Variants in ADCYAP1R1 observed in about 807,000 individuals in gnomAD.
The protein encoded by ADCYAP1R1 is pituitary adenylate cyclase-activating polypeptide type I receptor.
Under a neutral mutation model 67.6 loss-of-function variants are expected in ADCYAP1R1, and 44 were observed. The ratio of observed to expected loss-of-function variants is 0.65; its 90% confidence interval spans 0.51 to 0.84. The LOEUF is 0.84. ADCYAP1R1 is among the 40% of genes least tolerant of loss of function. The probability of loss-of-function intolerance (pLI) is 0.00; values close to 1 mark genes in which losing one functional copy is unlikely to be tolerated. For missense variants in ADCYAP1R1, 477 were observed against 587.9 expected (o/e 0.81, Z 1.95); for synonymous variants, 222 against 219.6 (o/e 1.01, Z -0.10).
chr7:31,091,264 A>T (rs1795950206), intron 12 of ADCYAP1R1, among the ~76,000 whole-genome samples: 1 of 152,060 alleles, frequency 6.6e-6, no homozygotes, highest in Non-Finnish European at 1.5e-5. Flanking sequence ...TTTTAATAAG[A>T]TTATTTGTCT....
At chr7:31,081,362 C>T (rs1444796284) in intron 5 of ADCYAP1R1, among the ~76,000 whole-genome samples, 3 of 152,118 alleles carry the variant, frequency 2.0e-5, no homozygotes, top group African/African-American at 7.2e-5. Context: ...TGTGGTTTGC[C>T]CTTTTTTTGA....
intron 3 of ADCYAP1R1, among the ~76,000 whole-genome samples, 184 bp downstream of exon 3, chr7:31,065,120 C>T (rs1794681455): frequency 6.6e-6 from 1 of 152,192 alleles, no homozygotes; most frequent in African/African-American, 2.4e-5. Flanking sequence ...CTCCTCAAGG[C>T]TGATGTGGTC....
At chr7:31,057,723 G>A (rs989194161) in intron 1 of ADCYAP1R1, among the ~76,000 whole-genome samples, 4 of 152,224 alleles carry the variant, frequency 2.6e-5, no homozygotes, top group South Asian at 2.1e-4. Context: ...TGAGTGGGAG[G>A]GGGGCAGTGT....
At position 31,086,263 on chromosome 7, in the gene ADCYAP1R1, ACT is replaced by A; in HGVS notation, c.670-116_670-115del. 9.8e-7 allele frequency: 1 copy of A among 1,021,310 alleles called. No homozygotes were observed. Among genetic ancestry groups the A allele is most frequent in the Non-Finnish European group, 1.4e-6 (1 of 712,450 alleles). 63.3% of individuals were successfully genotyped at this position (1,021,310 alleles called of 1,614,324 possible). A position where few individuals can be genotyped will look rare whatever the true frequency, so the allele number is the denominator to read the frequency against. ...TCAACTCTTTGATCCAGGAATATTG[ACT>A]CTCTTAGATCCTTGGGATGTTTGAA... is the stretch of plus-strand genomic sequence containing the variant. On this transcript the variant is annotated intron_variant, in intron 9 of 15. Coordinates refer to ENST00000304166, the MANE Select transcript of ADCYAP1R1 (RefSeq NM_001118.5). This position sits in a 1 kb window ranked among gnomAD's most constrained non-coding sequence, Gnocchi z 5.0.
chr7:31,091,918 T>C (rs1414753397), intron 12 of ADCYAP1R1, among the ~76,000 whole-genome samples: 1 of 151,780 alleles, frequency 6.6e-6, no homozygotes, highest in Non-Finnish European at 1.5e-5. Context: ...ATAAGTTACG[T>C]TTGTGGTAAT....
Position 31,086,891 on chromosome 7 carries a change from T to G in ADCYAP1R1, c.824-52T>G, listed in dbSNP as rs1035351907. ...GGAGCCCCAGGTCTACGGTGGACAT[T>G]GGACATGTTGGTTTTCCTGTTCTCA... On this transcript the variant is annotated intron_variant, in intron 10 of 15. Coordinates refer to ENST00000304166, the MANE Select transcript of ADCYAP1R1 (RefSeq NM_001118.5). This position sits in a 1 kb window ranked among gnomAD's most constrained non-coding sequence, Gnocchi z 5.0. 6.3e-7 allele frequency: 1 copy of G among 1,585,328 alleles called. No individual in the cohort carries two copies. The highest frequency in any genetic ancestry group is 8.7e-7 in the Non-Finnish European group (1 of 1,153,870).
Position 31,085,461 on chromosome 7 carries a change from C to T in ADCYAP1R1, c.669+19C>T. ...CTCCACTGTGAGTGAGCCAAGCAGA[C>T]CCATTAGGGCTCTGCCGGGAAGGTC... On this transcript the variant is annotated intron_variant, in intron 9 of 15. Transcript: ENST00000304166. The T allele has an allele frequency of 1.2e-6, 2 of 1,608,738 alleles. No homozygotes were observed. The highest frequency in any genetic ancestry group is 1.1e-5 in the South Asian group (1 of 90,500).
intron 13 of ADCYAP1R1, among the ~76,000 whole-genome samples, chr7:31,093,374 CT>C (rs575070503): frequency 3.0e-4 from 46 of 152,236 alleles, no homozygotes; most frequent in South Asian, 8.3e-4. Context: ...GCTTTCTCCA[CT>C]TCCATGGCCA....
At chr7:31,057,119 A>G (rs1794280923) in intron 1 of ADCYAP1R1, 1 of 150,494 alleles carries the variant, frequency 6.6e-6, no homozygotes, top group Admixed American at 6.6e-5. Context: ...TGCTCAGTGA[A>G]CATTTCCACA....
intron 3 of ADCYAP1R1, among the ~76,000 whole-genome samples, chr7:31,067,429 G>A (rs986267823): frequency 1.3e-5 from 2 of 151,956 alleles, no homozygotes; most frequent in African/African-American, 4.8e-5. Flanking sequence ...GAGTGGAGTG[G>A]GGTGGATCAT....
chr7:31,083,878 C>T (rs549965051), intron 6 of ADCYAP1R1, among the ~76,000 whole-genome samples: 1 of 152,274 alleles, frequency 6.6e-6, no homozygotes, highest in South Asian at 2.1e-4. Flanking sequence ...CCCTGATGAG[C>T]ATTTGGAAAT....
chr7:31,052,883 C>T (rs1198976803), intron 1 of ADCYAP1R1, among the ~76,000 whole-genome samples: 1 of 152,154 alleles, frequency 6.6e-6, no homozygotes, highest in Non-Finnish European at 1.5e-5. Flanking sequence ...GCCGCTGCGC[C>T]CTTCCTGCGC....
chr7:31,101,196 G>C (rs141452573), intron 13 of ADCYAP1R1, among the ~76,000 whole-genome samples: 1 of 152,192 alleles, frequency 6.6e-6, no homozygotes, highest in Non-Finnish European at 1.5e-5. Context: ...GGGAGGGAAG[G>C]TGTTGCCCTT....
intron 3 of ADCYAP1R1, among the ~76,000 whole-genome samples, chr7:31,069,296 C>T (rs764093933): frequency 3.9e-5 from 6 of 152,136 alleles, no homozygotes; most frequent in Non-Finnish European, 7.3e-5. Context: ...GTTATTAATC[C>T]GTGCCAGTCC....
At chr7:31,099,368 C>T (rs1796340828) in intron 13 of ADCYAP1R1, among the ~76,000 whole-genome samples, 1 of 152,212 alleles carries the variant, frequency 6.6e-6, no homozygotes, top group Non-Finnish European at 1.5e-5. Context: ...ACCACTAGCT[C>T]CATGTGGCTG....
intron 13 of ADCYAP1R1, among the ~76,000 whole-genome samples, chr7:31,093,248 G>C (rs374243104): frequency 1.3e-5 from 2 of 152,138 alleles, no homozygotes; most frequent in African/African-American, 4.8e-5. Flanking sequence ...ACAGGCCCTC[G>C]GGGCAGCTCT....
Position 31,106,528 on chromosome 7 carries a change from C to G in ADCYAP1R1, c.1251C>G (p.Ser417Arg). Reference sequence around the variant, plus strand: ...CGGAGATCAAGCGAAAATGGCGAAGCTGGAAGGTGAACCGTTACTTCGCTG... The same window carrying G: ...CGGAGATCAAGCGAAAATGGCGAAGGTGGAAGGTGAACCGTTACTTCGCTG... Reference protein sequence around the residue: ...VQAEIKRKWRSWKVNRYFAVD... With the variant: ...VQAEIKRKWRRWKVNRYFAVD... Residue 417 changes from serine (S) to arginine (R), a missense_variant, in exon 16 of 16, where the codon AGC becomes AGG. By Grantham distance (110) the Ser-to-Arg change is moderately radical (BLOSUM62 -1). Transcript: ENST00000304166. 1 of 1,612,890 alleles carries G rather than the reference C, an allele frequency of 6.2e-7. No homozygotes were observed. Among genetic ancestry groups the G allele is most frequent in the Non-Finnish European group, 8.5e-7 (1 of 1,179,334 alleles).
chr7:31,083,432 G>T (rs1269711968), intron 6 of ADCYAP1R1, among the ~76,000 whole-genome samples: 1 of 152,216 alleles, frequency 6.6e-6, no homozygotes, highest in African/African-American at 2.4e-5. Context: ...GTGTCCCACT[G>T]AATGGCCTTA....
chr7:31,053,061 C>T (rs1324025550), intron 1 of ADCYAP1R1, among the ~76,000 whole-genome samples: 2 of 152,222 alleles, frequency 1.3e-5, no homozygotes, highest in African/African-American at 4.8e-5. Flanking sequence ...CCCGGAGGGA[C>T]ATGCCTCCCT....
Sources: gnomAD v4.1 joint callset for allele counts (sites outside exome capture counted in the v4.1 genomes callset) on GRCh38, gnomAD v4.1.1 for gene constraint, Gnocchi (gnomAD v3.1) non-coding constraint, MANE v1.5 for transcripts, NCBI Gene and HGNC (gene_info 2026-07-23, HGNC 2026-07-21) for gene names.